BMPR1A: variants seen among roughly 807,000 people sequenced by gnomAD.
The protein encoded by BMPR1A is bone morphogenetic protein receptor type 1A.
Under a neutral mutation model 66.0 loss-of-function variants are expected in BMPR1A, and 7 were observed. That is an observed-to-expected ratio of 0.11 (90% CI 0.06 to 0.20). BMPR1A has a LOEUF of 0.20. Ranked by LOEUF, BMPR1A falls within the 10% of genes least tolerant of loss-of-function variation. BMPR1A has a pLI of 1.00. For missense variants in BMPR1A, 408 were observed against 669.1 expected (o/e 0.61, Z 4.31); for synonymous variants, 200 against 229.7 (o/e 0.87, Z 1.17).
chr10:86,758,729 G>T (rs1272757609), intron 1 of BMPR1A, among the ~76,000 whole-genome samples: 1 of 152,116 alleles, frequency 6.6e-6, no homozygotes, highest in Non-Finnish European at 1.5e-5. Context: ...TCCTGCCTTT[G>T]CCTGGTTGGT....
At chr10:86,783,131 T>C (rs1478928866) in intron 1 of BMPR1A, among the ~76,000 whole-genome samples, 1 of 152,240 alleles carries the variant, frequency 6.6e-6, no homozygotes, top group Non-Finnish European at 1.5e-5. Flanking sequence ...AGATTATTCT[T>C]TCCCCATTGC....
At chr10:86,763,084 C>G (rs149328458) in intron 1 of BMPR1A, among the ~76,000 whole-genome samples, 2 of 151,916 alleles carry the variant, frequency 1.3e-5, no homozygotes, top group Non-Finnish European at 2.9e-5. Flanking sequence ...TTAGTAGAGA[C>G]GGGGTTTCGC....
intron 1 of BMPR1A, among the ~76,000 whole-genome samples, chr10:86,838,263 G>A (rs1842379175): frequency 6.6e-6 from 1 of 152,132 alleles, no homozygotes; most frequent in African/African-American, 2.4e-5. Flanking sequence ...AGCTTTAATA[G>A]TTCTATCTTT....
chr10:86,841,347 A>G (rs781370432), intron 2 of BMPR1A, among the ~76,000 whole-genome samples: 4 of 152,220 alleles, frequency 2.6e-5, no homozygotes, highest in Non-Finnish European at 5.9e-5. Context: ...GATGATAACT[A>G]TAACATCACT....
At chr10:86,886,608 C>T (rs1298493612) in intron 3 of BMPR1A, among the ~76,000 whole-genome samples, 2 of 152,096 alleles carry the variant, frequency 1.3e-5, no homozygotes, top group Admixed American at 6.5e-5. Context: ...GGGGTACATC[C>T]AGGAACCATC....
intron 1 of BMPR1A, among the ~76,000 whole-genome samples, chr10:86,771,115 A>G (rs1281014353): frequency 1.3e-5 from 2 of 152,226 alleles, no homozygotes; most frequent in Non-Finnish European, 2.9e-5. Context: ...TCTCAGATTT[A>G]TAAGCTGTAT....
chr10:86,892,093 A>G (rs1266069397), intron 4 of BMPR1A, 34 bp from the exon 5 acceptor site: 32 of 1,536,474 alleles, frequency 2.1e-5, no homozygotes, highest in Non-Finnish European at 2.8e-5. Context: ...ATGTGAATTT[A>G]TGTTTTGTTT....
intron 7 of BMPR1A, among the ~76,000 whole-genome samples, chr10:86,909,100 A>G (rs1042830135): frequency 8.6e-5 from 13 of 151,834 alleles, no homozygotes; most frequent in Non-Finnish European, 1.5e-4. Flanking sequence ...GAGTTTATGT[A>G]GTCATAATAA....
rs1354458577 is a variant in BMPR1A, at chr10:86,889,879, G to A, written c.68-183G>A. 2.6e-5 allele frequency: 18 copies of A among 682,480 alleles called. No homozygotes were observed. In the South Asian group the frequency reaches 3.3e-4, roughly 12 times the overall value. The allele number at this position is 682,480 out of a possible 1,614,324, so 42.3% of individuals were successfully genotyped here. A position where few individuals can be genotyped will look rare whatever the true frequency, so the allele number is the denominator to read the frequency against. Reference sequence around the variant, plus strand: ...CATGTACCCCGCAATACCTGGTGCAGTAATTCTGTGCATAATAATGTATGT... The same window carrying A: ...CATGTACCCCGCAATACCTGGTGCAATAATTCTGTGCATAATAATGTATGT... On this transcript the variant is annotated intron_variant, in intron 3 of 12. Transcript: ENST00000372037.
At chr10:86,849,661 A>G (rs546958007) in intron 2 of BMPR1A, among the ~76,000 whole-genome samples, 2 of 152,350 alleles carry the variant, frequency 1.3e-5, no homozygotes, top group South Asian at 2.1e-4. Flanking sequence ...TATTTTGACT[A>G]CTGAGTAGCC....
chr10:86,875,374 A>G (rs901509196), intron 2 of BMPR1A, among the ~76,000 whole-genome samples: 15 of 152,082 alleles, frequency 9.9e-5, no homozygotes, highest in African/African-American at 3.1e-4. Context: ...CTCTGTCTCA[A>G]ATAAAATAAA....
chr10:86,823,424 A>G (rs1471409778), intron 1 of BMPR1A, among the ~76,000 whole-genome samples: 3 of 152,224 alleles, frequency 2.0e-5, no homozygotes, highest in African/African-American at 7.2e-5. Context: ...AAGGATTACA[A>G]CAGTTAAGTG....
intron 3 of BMPR1A, among the ~76,000 whole-genome samples, chr10:86,880,871 G>A (rs1842976908): frequency 6.6e-6 from 1 of 151,824 alleles, no homozygotes; most frequent in African/African-American, 2.4e-5. Context: ...AATCAAATAT[G>A]TTTAAATCCA....
At chr10:86,908,496 A>G (rs954892130) in intron 7 of BMPR1A, among the ~76,000 whole-genome samples, 3 of 152,172 alleles carry the variant, frequency 2.0e-5, no homozygotes, top group Admixed American at 6.5e-5. Context: ...TGTGCCTTCA[A>G]TGCCTCACAA....
At chr10:86,932,804 A>G (rs944715774), downstream of BMPR1A, 1 of 152,228 alleles carries the variant, frequency 6.6e-6, no homozygotes, top group African/African-American at 2.4e-5. Flanking sequence ...GCCTCTTCAC[A>G]CTGCTTCTGA....
chr10:86,901,004 C>A (rs1044849701), intron 7 of BMPR1A, among the ~76,000 whole-genome samples: 2 of 152,238 alleles, frequency 1.3e-5, no homozygotes, highest in Non-Finnish European at 2.9e-5. Context: ...AAGTGACTTC[C>A]AAGTCTACGT....
In BMPR1A at chr10:86,921,623, C is replaced by T. The variant is rs201362537; in HGVS notation, c.1270C>T (p.Pro424Ser). Residue 424 changes from proline to serine, a missense_variant, in exon 11 of 13, where the codon CCC becomes TCC. Pro to Ser is a moderately conservative substitution (Grantham distance 74). This residue lies in a region of BMPR1A where 130 missense variants were observed against 257.3 expected (regional missense o/e 0.51). Transcript: ENST00000372037. The stretch of plus-strand genomic sequence containing the variant: ...AAGCCTGAACAAAAACCACTTCCAG[C>T]CCTACATCATGGCTGACATCTACAG... Reference protein sequence around the residue: ...DESLNKNHFQPYIMADIYSFG... With the variant: ...DESLNKNHFQSYIMADIYSFG... 1.2e-6 allele frequency: 2 copies of T among 1,614,190 alleles called. No individual in the cohort carries two copies. The highest frequency in any genetic ancestry group is 3.3e-5 in the Admixed American group (2 of 60,016).
chr10:86,876,733 A>G (rs371440012), intron 3 of BMPR1A, among the ~76,000 whole-genome samples: 50 of 152,242 alleles, frequency 3.3e-4, no homozygotes, highest in African/African-American at 1.1e-3. Flanking sequence ...GATCGCACCA[A>G]TGCACTCTAG....
intron 2 of BMPR1A, among the ~76,000 whole-genome samples, chr10:86,850,102 C>T (rs1398426305): frequency 6.6e-6 from 1 of 152,060 alleles, no homozygotes; most frequent in African/African-American, 2.4e-5. Context: ...GGGTGGATCA[C>T]TTGAGGTCAG....
Sources: gnomAD v4.1 joint callset for allele counts (sites outside exome capture counted in the v4.1 genomes callset) on GRCh38, gnomAD v4.1.1 for gene constraint, gnomAD v4.1.1 regional missense constraint, MANE v1.5 for transcripts, NCBI Gene and HGNC (gene_info 2026-07-23, HGNC 2026-07-21) for gene names.